The following ANKS1B variants were observed in gnomAD, a reference collection of about 807,000 sequenced individuals.
The protein encoded by ANKS1B is ankyrin repeat and sterile alpha motif domain-containing protein 1B.
A neutral mutation model predicts 148.3 loss-of-function variants in ANKS1B; 36 were observed. That is an observed-to-expected ratio of 0.24 (90% CI 0.19 to 0.32). The LOEUF is 0.32. Ranked by LOEUF, ANKS1B falls within the 10% of genes least tolerant of loss-of-function variation. The probability of loss-of-function intolerance (pLI) is 1.00; values close to 1 mark genes in which losing one functional copy is unlikely to be tolerated. For synonymous variants in ANKS1B, 542 were observed against 560.8 expected, an observed-to-expected ratio of 0.97 and a Z score of 0.47; for missense variants, 1,157 against 1,542.6, an observed-to-expected ratio of 0.75 and a Z score of 4.19.
Position 99,144,989 on chromosome 12 carries a change from C to T in ANKS1B, c.2526+9300G>A, listed in dbSNP as rs553277089. On this transcript the variant is annotated intron_variant, in intron 15 of 26. Coordinates refer to ENST00000683438, the MANE Select transcript of ANKS1B (RefSeq NM_001352186.2). ...TGGTTCTTTGTTGTGGCAGCCATAG[C>T]AAACTGATATGAAGACCTACTATGT... Among the ~76,000 whole-genome samples the T allele has an allele frequency of 8.5e-5, 13 of 152,156 alleles. No homozygotes were observed. In the East Asian group the frequency reaches 2.5e-3, roughly 29 times the overall value.
chr12:99,700,134 A>AT (rs1191121965), intron 8 of ANKS1B, among the ~76,000 whole-genome samples: 1 of 152,098 alleles, frequency 6.6e-6, no homozygotes, highest in Non-Finnish European at 1.5e-5. Flanking sequence ...ACAATGCTTC[A>AT]TTTTTTTAAC....
chr12:98,959,748 C>G (rs1034691049), intron 17 of ANKS1B, among the ~76,000 whole-genome samples: 1 of 152,172 alleles, frequency 6.6e-6, no homozygotes, highest in African/African-American at 2.4e-5. Context: ...GAACGGAGCC[C>G]ATTGCCCTTC....
intron 15 of ANKS1B, among the ~76,000 whole-genome samples, chr12:99,114,517 G>A (rs972876826): frequency 4.6e-5 from 7 of 152,204 alleles, no homozygotes; most frequent in Admixed American, 1.3e-4. Context: ...TTTGGGAGGC[G>A]GAGGCTGGTG....
At chr12:99,285,206 G>T (rs1447319920) in intron 12 of ANKS1B, among the ~76,000 whole-genome samples, 4 of 152,052 alleles carry the variant, frequency 2.6e-5, no homozygotes, top group Admixed American at 2.6e-4. Context: ...TTATCTAAAT[G>T]AAATTATACA....
Position 99,984,820 on chromosome 12 carries a change from G to A in ANKS1B, c.-583C>T, listed in dbSNP as rs1170777896. ...GCCCGCGCCGAGGCAGGGCGGTGGG[G>A]GGCAGCCGCAGCGGGCGCGTGCCGA... On this transcript the variant is annotated 5_prime_UTR_variant, in exon 1 of 27. Transcript: ENST00000683438. Among the ~76,000 whole-genome samples, 1 of 146,444 alleles carries A rather than the reference G, an allele frequency of 6.8e-6. No homozygotes were observed. The highest frequency in any genetic ancestry group is 2.0e-4 in the East Asian group (1 of 5,076).
chr12:99,115,272 T>C (rs766079542), intron 15 of ANKS1B, among the ~76,000 whole-genome samples: 13 of 152,158 alleles, frequency 8.5e-5, no homozygotes, highest in Admixed American at 2.0e-4. Context: ...ATTTACACCA[T>C]GGAATACCAT....
chr12:99,118,876 C>G (rs2062034608), intron 15 of ANKS1B, among the ~76,000 whole-genome samples: 1 of 152,106 alleles, frequency 6.6e-6, no homozygotes, highest in African/African-American at 2.4e-5. Flanking sequence ...TCCTGAGCTT[C>G]TCTTATGTAT....
intron 14 of ANKS1B, among the ~76,000 whole-genome samples, chr12:99,181,031 C>T (rs2079052328): frequency 6.6e-6 from 1 of 152,182 alleles, no homozygotes; most frequent in African/African-American, 2.4e-5. Flanking sequence ...ATACTGTTTT[C>T]TCCAACCATA....
intron 17 of ANKS1B, among the ~76,000 whole-genome samples, chr12:98,979,180 T>C (rs1166350964): frequency 6.6e-6 from 1 of 151,826 alleles, no homozygotes; most frequent in Non-Finnish European, 1.5e-5. Flanking sequence ...AAAAAGTATT[T>C]TATATTTATC....
intron 12 of ANKS1B, among the ~76,000 whole-genome samples, chr12:99,294,413 T>C (rs1397829415): frequency 2.6e-5 from 4 of 152,152 alleles, no homozygotes; most frequent in Non-Finnish European, 5.9e-5. Context: ...TTAAGTGAAA[T>C]AAGCCAGGTA....
intron 2 of ANKS1B, among the ~76,000 whole-genome samples, chr12:99,817,047 C>A (rs564512465): frequency 6.6e-6 from 1 of 151,584 alleles, no homozygotes; most frequent in Non-Finnish European, 1.5e-5. Flanking sequence ...CAATTCCTCT[C>A]TTCTAGCTAT....
chr12:99,490,361 T>C (rs1442880017), intron 10 of ANKS1B, among the ~76,000 whole-genome samples: 2 of 152,248 alleles, frequency 1.3e-5, no homozygotes, highest in Non-Finnish European at 2.9e-5. Flanking sequence ...TATTCCCCTA[T>C]TCTGTTTTAG....
chr12:99,589,583 A>G (rs1361175463), intron 9 of ANKS1B, among the ~76,000 whole-genome samples: 3 of 152,188 alleles, frequency 2.0e-5, no homozygotes, highest in African/African-American at 4.8e-5. Context: ...AACTTTCTGG[A>G]AAACAACTTG....
intron 17 of ANKS1B, among the ~76,000 whole-genome samples, chr12:98,979,522 C>T (rs1441215106): frequency 3.9e-5 from 6 of 152,076 alleles, no homozygotes; most frequent in Non-Finnish European, 5.9e-5. Flanking sequence ...CCACCCGCCT[C>T]GGCCTCCCAA....
intron 11 of ANKS1B, among the ~76,000 whole-genome samples, chr12:99,410,777 A>AT (rs1396903167): frequency 1.3e-5 from 2 of 152,272 alleles, no homozygotes; most frequent in Non-Finnish European, 2.9e-5. Context: ...CCAGTGCAAC[A>AT]TAAAAAGGTA....
chr12:99,172,581 C>T (rs2077898825), intron 14 of ANKS1B, among the ~76,000 whole-genome samples: 1 of 152,148 alleles, frequency 6.6e-6, no homozygotes, highest in Non-Finnish European at 1.5e-5. Flanking sequence ...GTCTGCCATG[C>T]CTCAGCTGCA....
At chr12:99,234,625 A>G (rs1398501685) in intron 14 of ANKS1B, among the ~76,000 whole-genome samples, 1 of 152,170 alleles carries the variant, frequency 6.6e-6, no homozygotes, top group Non-Finnish European at 1.5e-5. Flanking sequence ...TTAGACTTTT[A>G]TGTATATGCC....
At chr12:99,332,175 T>A (rs533617314) in intron 12 of ANKS1B, among the ~76,000 whole-genome samples, 1 of 152,108 alleles carries the variant, frequency 6.6e-6, no homozygotes, top group African/African-American at 2.4e-5. Flanking sequence ...TAGGAGCTTA[T>A]TAGAAGTGCA....
chr12:99,643,766 C>A (rs1170087414), intron 9 of ANKS1B, among the ~76,000 whole-genome samples: 1 of 152,146 alleles, frequency 6.6e-6, no homozygotes, highest in Non-Finnish European at 1.5e-5. Context: ...CCTGGATAAT[C>A]CCAACTCTGA....
Sources: gnomAD v4.1 joint callset for allele counts (sites outside exome capture counted in the v4.1 genomes callset) on GRCh38, gnomAD v4.1.1 for gene constraint, MANE v1.5 for transcripts, NCBI Gene and HGNC (gene_info 2026-07-23, HGNC 2026-07-21) for gene names.